KCNB2: variants seen among roughly 807,000 people sequenced by gnomAD.
KCNB2 encodes potassium voltage-gated channel subfamily B member 2, also known as delayed rectifier potassium channel protein.
Under a neutral mutation model 61.5 loss-of-function variants are expected in KCNB2, and 15 were observed. That is an observed-to-expected ratio of 0.24 (90% CI 0.16 to 0.38). The LOEUF is 0.38. Among genes scored for constraint, KCNB2 ranks in the 10% least tolerant of loss-of-function variants. KCNB2 has a pLI of 1.00. For synonymous variants in KCNB2, 457 were observed against 446.0 expected, an observed-to-expected ratio of 1.02 and a Z score of -0.31; for missense variants, 828 against 1,125.2, an observed-to-expected ratio of 0.74 and a Z score of 3.78.
intron 2 of KCNB2, among the ~76,000 whole-genome samples, chr8:72,707,680 T>A (rs1383338757): frequency 6.6e-6 from 1 of 152,234 alleles, no homozygotes; most frequent in Non-Finnish European, 1.5e-5. Flanking sequence ...GCACACTGTC[T>A]AAATAAGAAA....
At chr8:72,906,026 G>A (rs779784168) in intron 2 of KCNB2, among the ~76,000 whole-genome samples, 15 of 152,188 alleles carry the variant, frequency 9.9e-5, no homozygotes, top group South Asian at 2.1e-4. Flanking sequence ...GCCAAAATTC[G>A]GTTTTCTGTC....
intron 2 of KCNB2, among the ~76,000 whole-genome samples, chr8:72,930,590 G>A (rs1244334146): frequency 6.6e-6 from 1 of 152,170 alleles, no homozygotes; most frequent in Non-Finnish European, 1.5e-5. Flanking sequence ...CTGCATAAAT[G>A]TCTTCTTTTG....
intron 2 of KCNB2, among the ~76,000 whole-genome samples, chr8:72,902,437 G>A (rs1388672437): frequency 6.6e-6 from 1 of 152,154 alleles, no homozygotes; most frequent in African/African-American, 2.4e-5. Flanking sequence ...GGTCCTGGTG[G>A]GGAAATGGAT....
At chr8:72,771,155 A>G (rs542201813) in intron 2 of KCNB2, among the ~76,000 whole-genome samples, 1 of 152,346 alleles carries the variant, frequency 6.6e-6, no homozygotes, top group East Asian at 1.9e-4. Flanking sequence ...TAATCTGTAT[A>G]ATTAAGGAAG....
chr8:72,590,568 G>A (rs1404494819), intron 2 of KCNB2, among the ~76,000 whole-genome samples: 1 of 152,122 alleles, frequency 6.6e-6, no homozygotes, highest in Non-Finnish European at 1.5e-5. Flanking sequence ...GCTTTCATAT[G>A]AGTATAGCAA....
intron 2 of KCNB2, among the ~76,000 whole-genome samples, chr8:72,931,531 T>C (rs1488002211): frequency 6.6e-6 from 1 of 152,204 alleles, no homozygotes; most frequent in African/African-American, 2.4e-5. Context: ...GTAAGTTGGA[T>C]TCCTAGGTAT....
rs138815520 is a variant in KCNB2, at chr8:72,593,410, C to T, written c.579+25097C>T. Among the ~76,000 whole-genome samples, 850 of 152,296 alleles carry T rather than the reference C, an allele frequency of 5.6e-3. 5 individuals are homozygous for T. The highest frequency in any genetic ancestry group is 8.2e-3 in the Non-Finnish European group (555 of 68,028). On this transcript the variant is annotated intron_variant, in intron 2 of 2. Transcript: ENST00000523207. The stretch of plus-strand genomic sequence containing the variant: ...TTGGTTATGGAAAAGGCAAAAGAAA[C>T]TGGCTCTGTGGTCTTTAGCAACTAA...
intron 2 of KCNB2, among the ~76,000 whole-genome samples, chr8:72,839,924 T>C (rs191650960): frequency 6.6e-6 from 1 of 151,734 alleles, no homozygotes; most frequent in Non-Finnish European, 1.5e-5. Flanking sequence ...TTTTTTTTTT[T>C]TAATACTTTA....
chr8:72,792,611 C>A (rs891870909), intron 2 of KCNB2, among the ~76,000 whole-genome samples: 6 of 152,150 alleles, frequency 3.9e-5, no homozygotes, highest in African/African-American at 1.4e-4. Context: ...TGCCAGGATC[C>A]CATACTCAGA....
chr8:72,714,653 G>A (rs1323433806), intron 2 of KCNB2, among the ~76,000 whole-genome samples: 1 of 152,146 alleles, frequency 6.6e-6, no homozygotes, highest in Non-Finnish European at 1.5e-5. Context: ...GAGAGCTCCT[G>A]AAGTAAGCAC....
intron 2 of KCNB2, chr8:72,660,797 G>T (rs1166770210): frequency 6.6e-6 from 1 of 152,100 alleles, no homozygotes; most frequent in African/African-American, 2.4e-5. Flanking sequence ...CTGTTTTTAT[G>T]AGTTAAACTT....
At chr8:72,764,627 A>T (rs776821697) in intron 2 of KCNB2, among the ~76,000 whole-genome samples, 1 of 152,196 alleles carries the variant, frequency 6.6e-6, no homozygotes, top group Non-Finnish European at 1.5e-5. Context: ...ACAGTGAGTA[A>T]GGCCCCTTGT....
chr8:72,709,491 C>T (rs1216811380), intron 2 of KCNB2, among the ~76,000 whole-genome samples: 1 of 151,430 alleles, frequency 6.6e-6, no homozygotes, highest in South Asian at 2.1e-4. Context: ...TCTAGGGAGG[C>T]CTAGGGGAAT....
At chr8:72,799,397 G>A (rs755142163) in intron 2 of KCNB2, among the ~76,000 whole-genome samples, 1 of 124,368 alleles carries the variant, frequency 8.0e-6, no homozygotes, top group Non-Finnish European at 1.8e-5. Flanking sequence ...CACTGTTCAA[G>A]AGCACATTAT....
At chr8:72,598,091 A>G (rs759379459) in intron 2 of KCNB2, among the ~76,000 whole-genome samples, 12 of 146,030 alleles carry the variant, frequency 8.2e-5, no homozygotes, top group South Asian at 2.2e-4. Flanking sequence ...ATGTCCACCA[A>G]TGGTAGACTG....
At chr8:72,828,241 G>A (rs2958417) in intron 2 of KCNB2, among the ~76,000 whole-genome samples, 16,924 of 152,178 alleles carry the variant, frequency 0.11, 1,593 homozygotes, top group East Asian at 0.52. Flanking sequence ...TGGGCTGAGC[G>A]CCTATGAGAA....
chr8:72,930,635 G>A (rs1806760755), intron 2 of KCNB2, among the ~76,000 whole-genome samples: 1 of 152,164 alleles, frequency 6.6e-6, no homozygotes, highest in Non-Finnish European at 1.5e-5. Flanking sequence ...CCCATTTGTT[G>A]ATGGGGTTGT....
At chr8:72,830,554 T>A (rs917536618) in intron 2 of KCNB2, among the ~76,000 whole-genome samples, 1 of 152,208 alleles carries the variant, frequency 6.6e-6, no homozygotes, top group African/African-American at 2.4e-5. Flanking sequence ...AGTAACTTGT[T>A]TCATGTTTCA....
intron 2 of KCNB2, among the ~76,000 whole-genome samples, chr8:72,716,840 G>T (rs1420005261): frequency 6.6e-6 from 1 of 152,114 alleles, no homozygotes; most frequent in African/African-American, 2.4e-5. Context: ...AGGAAATAAA[G>T]GGCATTCAAT....
Sources: allele counts gnomAD v4.1 joint callset (sites outside exome capture counted in the v4.1 genomes callset), GRCh38; gene constraint gnomAD v4.1.1; transcripts MANE v1.5; gene names NCBI Gene and HGNC (gene_info 2026-07-23, HGNC 2026-07-21).